The following FAM135B variants were observed in gnomAD, a reference collection of about 807,000 sequenced individuals.
The protein encoded by FAM135B is protein FAM135B.
Under a neutral mutation model 127.7 loss-of-function variants are expected in FAM135B, and 43 were observed. The ratio of observed to expected loss-of-function variants is 0.34; its 90% confidence interval spans 0.26 to 0.43. The LOEUF (loss-of-function observed/expected upper bound fraction) is 0.43, where lower values mean the gene tolerates loss of function less well. Among genes scored for constraint, FAM135B ranks in the 20% least tolerant of loss-of-function variants. The pLI is 1.00. For missense variants in FAM135B, 1,558 were observed against 1,725.6 expected (o/e 0.90, Z 1.72); for synonymous variants, 670 against 665.1 (o/e 1.01, Z -0.11).
intron 1 of FAM135B, among the ~76,000 whole-genome samples, chr8:138,455,074 T>G (rs769790778): frequency 6.0e-4 from 91 of 152,234 alleles, no homozygotes; most frequent in Non-Finnish European, 1.2e-4. Flanking sequence ...ATGTGGGAAC[T>G]GAGTGTGATT....
intron 1 of FAM135B, among the ~76,000 whole-genome samples, chr8:138,412,578 C>A (rs1466479544): frequency 6.6e-6 from 1 of 152,138 alleles, no homozygotes; most frequent in Non-Finnish European, 1.5e-5. Flanking sequence ...GGAATCTGGT[C>A]CGACTTTGCT....
intron 2 of FAM135B, among the ~76,000 whole-genome samples, chr8:138,345,126 G>T (rs2131082669): frequency 6.6e-6 from 1 of 152,268 alleles, no homozygotes; most frequent in Non-Finnish European, 1.5e-5. Flanking sequence ...GAATAGTTCA[G>T]CCCAGCTCAG....
At chr8:138,254,936 A>G (rs1821963465) in intron 5 of FAM135B, among the ~76,000 whole-genome samples, 1 of 151,888 alleles carries the variant, frequency 6.6e-6, no homozygotes, top group African/African-American at 2.4e-5. Flanking sequence ...TCAGCTGCCC[A>G]TGTTATGAAC....
chr8:138,426,115 CAT>C (rs1463475555), intron 1 of FAM135B, among the ~76,000 whole-genome samples: 11 of 97,482 alleles, frequency 1.1e-4, no homozygotes, highest in East Asian at 5.4e-4. Context: ...TATATATACA[CAT>C]ATGTGTGTGT....
intron 3 of FAM135B, among the ~76,000 whole-genome samples, chr8:138,274,820 T>C (rs998412955): frequency 3.9e-5 from 6 of 152,130 alleles, no homozygotes; most frequent in African/African-American, 9.7e-5. Context: ...TCCACCCGGC[T>C]CACCGGCGGT....
At chr8:138,442,237 C>CATATATATATATATATATATAT (rs759993575) in intron 1 of FAM135B, among the ~76,000 whole-genome samples, 3 of 51,912 alleles carry the variant, frequency 5.8e-5, no homozygotes, top group Admixed American at 3.2e-4. Flanking sequence ...ATATGGACAC[C>CATATATATATATATATATATAT]ATATATATAT....
chr8:138,216,494 G>C (rs912344675), intron 7 of FAM135B, among the ~76,000 whole-genome samples: 1 of 152,140 alleles, frequency 6.6e-6, no homozygotes, highest in Non-Finnish European at 1.5e-5. Flanking sequence ...AATGGAGAAA[G>C]GGAAAGGATG....
intron 7 of FAM135B, among the ~76,000 whole-genome samples, chr8:138,228,296 C>T (rs989050447): frequency 1.3e-5 from 2 of 151,964 alleles, no homozygotes; most frequent in Non-Finnish European, 1.5e-5. Flanking sequence ...TGGGCTGAAT[C>T]GGAATCTTTA....
At chr8:138,450,634 T>A (rs1222479698) in intron 1 of FAM135B, 1 of 152,226 alleles carries the variant, frequency 6.6e-6, no homozygotes, top group African/African-American at 2.4e-5. Flanking sequence ...TTATTTGCCA[T>A]CTACATTTTC....
chr8:138,337,956 A>G (rs916980797), intron 2 of FAM135B, among the ~76,000 whole-genome samples: 1 of 152,294 alleles, frequency 6.6e-6, no homozygotes. Flanking sequence ...ATAATGCCGC[A>G]TATCTACAAC....
intron 1 of FAM135B, among the ~76,000 whole-genome samples, chr8:138,452,144 T>C (rs1356380020): frequency 2.0e-5 from 3 of 147,302 alleles, no homozygotes; most frequent in Admixed American, 2.0e-4. Flanking sequence ...TTTTTTTTTT[T>C]TTTGAGATGG....
At chr8:138,206,635 T>C (rs1817674541) in intron 7 of FAM135B, among the ~76,000 whole-genome samples, 1 of 146,510 alleles carries the variant, frequency 6.8e-6, no homozygotes, top group Non-Finnish European at 1.5e-5. Flanking sequence ...AACTCTATCA[T>C]CCCCTCCACC....
At position 138,309,631 on chromosome 8, in the gene FAM135B, C is replaced by T. The variant is rs76901394; in HGVS notation, c.157+1210G>A. On this transcript the variant is annotated intron_variant, in intron 3 of 19. Transcript: ENST00000395297. ...TTAAGCAGACCACCACATCTACTTT[C>T]CTGACTTGTGGGTATTCAATTGCAT... Among the ~76,000 whole-genome samples the T allele has an allele frequency of 8.1e-4, 124 of 152,320 alleles. No homozygotes were observed. In the East Asian group the frequency reaches 0.021, roughly 25 times the overall value.
chr8:138,390,075 C>T (rs1182824686), intron 1 of FAM135B, among the ~76,000 whole-genome samples: 1 of 152,174 alleles, frequency 6.6e-6, no homozygotes, highest in African/African-American at 2.4e-5. Context: ...TTTAGGATTT[C>T]CAGACTTAGC....
chr8:138,413,272 C>T (rs1833960149), intron 1 of FAM135B, among the ~76,000 whole-genome samples: 1 of 152,116 alleles, frequency 6.6e-6, no homozygotes, highest in Non-Finnish European at 1.5e-5. Context: ...CTTATTGGTA[C>T]TTTCCAGTGT....
intron 7 of FAM135B, among the ~76,000 whole-genome samples, chr8:138,223,869 AATT>A (rs1819213039): frequency 6.6e-6 from 1 of 152,136 alleles, no homozygotes; most frequent in Non-Finnish European, 1.5e-5. Flanking sequence ...AAAATCACAA[AATT>A]ATTTTCTTTG....
At position 138,243,244 on chromosome 8, in the gene FAM135B, G is replaced by A. The variant is rs767351502; in HGVS notation, c.543-176C>T. 6.6e-6 allele frequency among the ~76,000 whole-genome samples: 1 copy of A among 152,114 alleles called. No individual in the cohort carries two copies. The highest frequency in any genetic ancestry group is 2.1e-4 in the South Asian group (1 of 4,822). On this transcript the variant is annotated intron_variant, in intron 6 of 19. Coordinates refer to ENST00000395297, the MANE Select transcript of FAM135B (RefSeq NM_015912.4). The surrounding 1 kb of genome is among the most constrained non-coding windows in gnomAD (Gnocchi z 7.5). ...TTGTGGATATTTTGATGATAAAGAG[G>A]GTACAACTGGCACGTAAGCTTGAAA...
intron 2 of FAM135B, among the ~76,000 whole-genome samples, chr8:138,348,134 T>C (rs1010167365): frequency 1.5e-4 from 15 of 97,894 alleles, no homozygotes; most frequent in African/African-American, 6.4e-4. Context: ...CCTCTTTTTT[T>C]TTTTTTTTTT....
In FAM135B at chr8:138,337,730, A is replaced by C. The variant is rs1429574031; in HGVS notation, c.78-26810T>G. The stretch of plus-strand genomic sequence containing the variant: ...TGCCATCCCCATCAAGCTACCAATG[A>C]CTTTCTTCACAGAATTGGAAAAAAC... On this transcript the variant is annotated intron_variant, in intron 2 of 19. Coordinates refer to ENST00000395297, the MANE Select transcript of FAM135B (RefSeq NM_015912.4). Among the ~76,000 whole-genome samples, 18 of 152,254 alleles carry C rather than the reference A, an allele frequency of 1.2e-4. No individual in the cohort carries two copies. In the Middle Eastern group the frequency reaches 0.01, roughly 86 times the overall value.
Sources: gnomAD v4.1 joint callset for allele counts (sites outside exome capture counted in the v4.1 genomes callset) on GRCh38, gnomAD v4.1.1 for gene constraint, Gnocchi (gnomAD v3.1) non-coding constraint, MANE v1.5 for transcripts, NCBI Gene and HGNC (gene_info 2026-07-23, HGNC 2026-07-21) for gene names.